The following C9orf72 variants were observed in gnomAD, a reference collection of about 807,000 sequenced individuals.
C9orf72 encodes guanine nucleotide exchange factor C9orf72.
A neutral mutation model predicts 51.6 loss-of-function variants in C9orf72; 44 were observed. The observed-to-expected ratio is 0.85, with a 90% confidence interval of 0.67 to 1.10. The LOEUF (loss-of-function observed/expected upper bound fraction) is 1.10. C9orf72 is among the 50% of genes least tolerant of loss of function. The pLI is 0.00. For synonymous variants in C9orf72, 213 were observed against 194.2 expected (o/e 1.10, Z -0.81); for missense variants, 607 against 570.6 (o/e 1.06, Z -0.65).
At chr9:27,555,453 T>C (rs979368791) in intron 8 of C9orf72, among the ~76,000 whole-genome samples, 19 of 152,176 alleles carry the variant, frequency 1.2e-4, no homozygotes, top group Non-Finnish European at 1.9e-4. Flanking sequence ...GATACATAGG[T>C]CAGGCTTATT....
chr9:27,572,632 G>A (rs1819612075), intron 1 of C9orf72, among the ~76,000 whole-genome samples: 1 of 152,090 alleles, frequency 6.6e-6, no homozygotes, highest in Non-Finnish European at 1.5e-5. Flanking sequence ...ATCTGAAAGG[G>A]CCACCCCTCC....
chr9:27,572,839 G>C (rs1345022978), intron 1 of C9orf72, among the ~76,000 whole-genome samples: 1 of 152,178 alleles, frequency 6.6e-6, no homozygotes, highest in Non-Finnish European at 1.5e-5. Flanking sequence ...GAGCTGTGAA[G>C]CAACCAGGTC....
intron 3 of C9orf72, among the ~76,000 whole-genome samples, chr9:27,563,829 T>C (rs1258297661): frequency 6.6e-6 from 1 of 152,172 alleles, no homozygotes; most frequent in African/African-American, 2.4e-5. Flanking sequence ...ATCATGCCTG[T>C]TTACAATTAC....
intron 1 of C9orf72, among the ~76,000 whole-genome samples, chr9:27,572,031 G>A (rs868470875): frequency 1.7e-4 from 26 of 152,176 alleles, no homozygotes; most frequent in Admixed American, 6.5e-4. Context: ...TCTAATTAAC[G>A]TAGAATAGAA....
rs199891950 is a variant in C9orf72 at position 27,560,328 on chromosome 9, C to T, written c.666-29G>A. ...TAAGTTAAAGAAAACAGATTAAAAA[C>T]ATTGCCTATAAAACAATTTAACAAA... is the stretch of plus-strand genomic sequence containing the variant. On this transcript the variant is annotated intron_variant, in intron 5 of 10. Coordinates refer to ENST00000380003, the MANE Select transcript of C9orf72 (RefSeq NM_018325.5). 14 of 1,553,200 alleles carry T rather than the reference C, an allele frequency of 9.0e-6. No homozygotes were observed. The African/African-American group carries it at 1.4e-4, about 15-fold the overall frequency.
At chr9:27,569,904 T>A (rs1819548774) in intron 1 of C9orf72, among the ~76,000 whole-genome samples, 1 of 152,224 alleles carries the variant, frequency 6.6e-6, no homozygotes, top group African/African-American at 2.4e-5. Context: ...AAGAATTTCA[T>A]CCACATCTTG....
At chr9:27,548,453 A>AAAAAAAAAAAAAAAAAC (rs1279885671) in intron 10 of C9orf72, 31 bp from the exon 11 acceptor site, 2 of 1,414,082 alleles carry the variant, frequency 1.4e-6, no homozygotes, top group Non-Finnish European at 1.9e-6. Context: ...AAAAAAAAAA[A>AAAAAAAAAAAAAAAAAC]AAAAAAAAGA....
In C9orf72 at chr9:27,567,124, T is replaced by C. The variant is rs1193447180; in HGVS notation, c.-4A>G. On this transcript the variant is annotated 5_prime_UTR_variant, in exon 2 of 11. Transcript: ENST00000380003. ...GCGGTGGGCAAAGAGTCGACATCACTGCATTCCAACTGTCACATTATCCAA... is the reference window on the plus strand; with the variant it reads ...GCGGTGGGCAAAGAGTCGACATCACCGCATTCCAACTGTCACATTATCCAA... 1.9e-6 allele frequency: 3 copies of C among 1,610,270 alleles called. No homozygotes were observed. In the African/African-American group the frequency reaches 4.0e-5, roughly 22 times the overall value.
At chr9:27,561,497 TGTTA>T (rs773320835) in intron 5 of C9orf72, 84 bp downstream of exon 5, 2 of 1,565,814 alleles carry the variant, frequency 1.3e-6, no homozygotes, top group African/African-American at 1.4e-5. Context: ...GTAGACAGTC[TGTTA>T]TTTTCTTTCT....
intron 8 of C9orf72, among the ~76,000 whole-genome samples, chr9:27,554,059 T>C (rs2131531962): frequency 6.6e-6 from 1 of 152,316 alleles, no homozygotes; most frequent in East Asian, 1.9e-4. Context: ...ACTTATACAC[T>C]GCTGGCGGGA....
rs763254423 is a variant in C9orf72 at position 27,571,053 on chromosome 9, G to A, written c.-45+2378C>T. Reference sequence around the variant, plus strand: ...ACTAATACTTGAAGTCATCGTCTTTGGTGAGAAAAATCCATACATGCAAAT... The same window carrying A: ...ACTAATACTTGAAGTCATCGTCTTTAGTGAGAAAAATCCATACATGCAAAT... On this transcript the variant is annotated intron_variant, in intron 1 of 10. Transcript: ENST00000380003. The A allele has an allele frequency of 2.0e-5, 3 of 152,086 alleles. No individual in the cohort carries two copies. In the South Asian group the frequency reaches 6.2e-4, roughly 32 times the overall value. The allele number at this position is 152,086 out of a possible 1,614,324, so 9.4% of individuals were successfully genotyped here.
intron 5 of C9orf72, chr9:27,561,152 G>A: frequency 1.5e-6 from 1 of 655,768 alleles, no homozygotes; most frequent in African/African-American, 2.0e-5. Context: ...CATTAATCCA[G>A]GGAGTCTGGT....
intron 5 of C9orf72, 169 bp downstream of exon 5, chr9:27,561,416 A>C: frequency 7.2e-7 from 1 of 1,397,392 alleles, no homozygotes; most frequent in Non-Finnish European, 9.3e-7. Context: ...TATATATAGA[A>C]ATATAATGAG....
intron 1 of C9orf72, chr9:27,571,241 G>C (rs184476413): frequency 6.6e-6 from 1 of 152,318 alleles, no homozygotes; most frequent in African/African-American, 2.4e-5. Context: ...GGGTTCATGA[G>C]AGGTTTCCCA....
intron 8 of C9orf72, among the ~76,000 whole-genome samples, chr9:27,552,929 T>C (rs944246301): frequency 5.3e-5 from 8 of 152,272 alleles, no homozygotes; most frequent in African/African-American, 1.9e-4. Flanking sequence ...TGAAGTTTTC[T>C]TTTTTCTGTT....
upstream of C9orf72, chr9:27,573,507 G>C (rs1309568424): frequency 6.5e-5 from 5 of 77,024 alleles, no homozygotes; most frequent in Admixed American, 1.5e-4. Flanking sequence ...GCCCGCCCCC[G>C]GGCCCGCCCC....
intron 6 of C9orf72, 58 bp from the exon 7 acceptor site, chr9:27,558,665 T>C (rs1819267999): frequency 2.4e-6 from 2 of 833,184 alleles, no homozygotes; most frequent in African/African-American, 1.7e-5. Context: ...CTGATTTGCT[T>C]ATGAAAGATA....
In C9orf72 at chr9:27,547,318, G is replaced by A. The variant is rs1820788624; in HGVS notation, c.*918C>T. 6.5e-6 allele frequency: 1 copy of A among 152,738 alleles called. No homozygotes were observed. The highest frequency in any genetic ancestry group is 1.9e-4 in the East Asian group (1 of 5,190). 9.5% of individuals were successfully genotyped at this position (152,738 alleles called of 1,614,324 possible). The stretch of plus-strand genomic sequence containing the variant: ...TAAGGCATTTTATAATCTCAGAGTT[G>A]CAATGATTGCCAAAGCAGGTACATG... On this transcript the variant is annotated 3_prime_UTR_variant, in exon 11 of 11. Coordinates refer to ENST00000380003, the MANE Select transcript of C9orf72 (RefSeq NM_018325.5).
At chr9:27,568,226 T>A (rs576986673) in intron 1 of C9orf72, among the ~76,000 whole-genome samples, 2 of 152,094 alleles carry the variant, frequency 1.3e-5, no homozygotes, top group Admixed American at 1.3e-4. Context: ...TAAAACGACA[T>A]TGAAGTATCA....
Sources: allele counts gnomAD v4.1 joint callset (sites outside exome capture counted in the v4.1 genomes callset), GRCh38; gene constraint gnomAD v4.1.1; transcripts MANE v1.5; gene names NCBI Gene and HGNC (gene_info 2026-07-23, HGNC 2026-07-21).